Variants in MYL3 observed in about 807,000 individuals in gnomAD.
MYL3 encodes CMLC1.
Under a neutral mutation model 21.3 loss-of-function variants are expected in MYL3, and 11 were observed. The observed-to-expected ratio is 0.52, with a 90% CI of 0.32 to 0.85. The LOEUF (loss-of-function observed/expected upper bound fraction) is 0.85. MYL3 is among the 40% of genes least tolerant of loss of function. The pLI is 0.03. For synonymous variants in MYL3, 88 were observed against 91.6 expected (o/e 0.96, Z 0.22); for missense variants, 206 against 253.3 (o/e 0.81, Z 1.27).
At chr3:46,877,561 T>C (rs1038607513) in intron 1 of MYL3, among the ~76,000 whole-genome samples, 4 of 152,330 alleles carry the variant, frequency 2.6e-5, no homozygotes, top group African/African-American at 7.2e-5. Context: ...GGCCCAGCCC[T>C]GGGCATCTGA....
rs374329098 is a variant in MYL3 at position 46,858,386 on chromosome 3, T to G, written c.557A>C (p.Glu186Ala). The change falls in exon 5 of 7, where the codon GAA becomes GCA. Residue 186 changes from glutamate to alanine, a missense_variant and splice_region_variant. Transcript: ENST00000292327. ...ACCCCTGCCCCTGCTGAGCCCACCTTCATAGTTGATGCAGCCATTGGAGTC... is the reference window on the plus strand; with the variant it reads ...ACCCCTGCCCCTGCTGAGCCCACCTGCATAGTTGATGCAGCCATTGGAGTC... ...QEDSNGCINY[E>A]AFVKHIMSS The G allele has an allele frequency of 3.7e-6, 6 of 1,613,938 alleles. No homozygotes were observed. Among genetic ancestry groups the G allele is most frequent in the Non-Finnish European group, 4.2e-6 (5 of 1,180,014 alleles).
chr3:46,880,186 C>T (rs909887833), intron 1 of MYL3: 3 of 152,196 alleles, frequency 2.0e-5, no homozygotes, highest in Non-Finnish European at 2.9e-5. Flanking sequence ...TCACAACCTC[C>T]CTCCCCAGTA....
upstream of MYL3, chr3:46,863,510 C>T: frequency 3.7e-6 from 4 of 1,089,528 alleles, no homozygotes; most frequent in Non-Finnish European, 5.3e-6. Flanking sequence ...CCCACCCCTG[C>T]AGTGCACAAT....
rs2030545397 is a variant in MYL3, at chr3:46,881,342, C to T, written c.-218+732G>A. On this transcript the variant is annotated intron_variant, in intron 1 of 3. Coordinates refer to the MYL3 transcript ENST00000431168. ...TCCCCAGCCAAACACAGAAATCCCG[C>T]CCCGTTCAGCCCCAACCCCCGCGGA... Among the ~76,000 whole-genome samples, 4 of 152,160 alleles carry T rather than the reference C, an allele frequency of 2.6e-5. No homozygotes were observed. The South Asian group carries it at 8.3e-4, about 32-fold the overall frequency.
At chr3:46,870,479 G>T (rs938530003) in intron 1 of MYL3, among the ~76,000 whole-genome samples, 1 of 151,830 alleles carries the variant, frequency 6.6e-6, no homozygotes, top group Non-Finnish European at 1.5e-5. Flanking sequence ...AGCCATGGTG[G>T]CCCCCTACAC....
chr3:46,859,352 A>C lies in MYL3; in HGVS notation c.481+123T>G, dbSNP rs1701965353. ...GTAACATTTCTGTTGTCTGCCATTG[A>C]GGCTCCCTAATTATGTAACTCTCTC... On this transcript the variant is annotated intron_variant, in intron 4 of 6. Coordinates refer to ENST00000292327, the MANE Select transcript of MYL3 (RefSeq NM_000258.3). This position sits in a 1 kb window ranked among gnomAD's most constrained non-coding sequence, Gnocchi z 4.1. The C allele has an allele frequency of 7.9e-7, 1 of 1,268,976 alleles. No homozygotes were observed. Among genetic ancestry groups the C allele is most frequent in the Non-Finnish European group, 1.1e-6 (1 of 886,490 alleles). The allele number at this position is 1,268,976 out of a possible 1,614,324, so 78.6% of individuals were successfully genotyped here. A position where few individuals can be genotyped will look rare whatever the true frequency, so the allele number is the denominator to read the frequency against.
chr3:46,861,029 G>A lies in MYL3; in HGVS notation c.130-42C>T. 1.2e-6 allele frequency: 2 copies of A among 1,612,624 alleles called. No homozygotes were observed. The highest frequency in any genetic ancestry group is 1.7e-6 in the Non-Finnish European group (2 of 1,178,896). On this transcript the variant is annotated intron_variant, in intron 1 of 6. Coordinates refer to ENST00000292327, the MANE Select transcript of MYL3 (RefSeq NM_000258.3). The surrounding 1 kb of genome is among the most constrained non-coding windows in gnomAD (Gnocchi z 4.2). Reference sequence around the variant, plus strand: ...AAGACTCAGATGCCCGGCTTAAAAGGTGGGGCCACACCTCCTCCTGGGCAC... The same window carrying A: ...AAGACTCAGATGCCCGGCTTAAAAGATGGGGCCACACCTCCTCCTGGGCAC...
rs1457649737 is a variant in MYL3 at position 46,860,758 on chromosome 3, C to A, written c.225G>T (p.Gln75His). 1.2e-6 allele frequency: 2 copies of A among 1,614,170 alleles called. No individual in the cohort carries two copies. The highest frequency in any genetic ancestry group is 2.2e-5 in the East Asian group (1 of 44,876). The change falls in exon 3 of 7, where the codon CAG (glutamine) becomes CAT (histidine). Residue 75 changes from glutamine (Q) to histidine (H), a missense_variant. By Grantham distance (24) the Gln-to-His change is conservative (BLOSUM62 0). Transcript: ENST00000292327. This position sits in a 1 kb window ranked among gnomAD's most constrained non-coding sequence, Gnocchi z 4.6. ...CCAGCGCCCGCAGGACATCCCCACA[C>A]TGCCCGTAGGTGATCTTCATCTCAC... The part of the protein sequence containing the change: ...PKCEMKITYG[Q>H]CGDVLRALGQ...
intron 1 of MYL3, among the ~76,000 whole-genome samples, chr3:46,868,823 G>A (rs1054541996): frequency 6.6e-6 from 1 of 152,218 alleles, no homozygotes; most frequent in Non-Finnish European, 1.5e-5. Flanking sequence ...GATTGAAAAT[G>A]TGTCTGGAGA....
At chr3:46,881,804 G>A (rs542809292) in intron 1 of MYL3, among the ~76,000 whole-genome samples, 3 of 152,236 alleles carry the variant, frequency 2.0e-5, no homozygotes, top group African/African-American at 4.8e-5. Context: ...ACCCCGACCC[G>A]GCCCGAACGG....
intron 4 of MYL3, among the ~76,000 whole-genome samples, chr3:46,858,993 A>G (rs1701962023): frequency 6.6e-6 from 1 of 152,168 alleles, no homozygotes; most frequent in Non-Finnish European, 1.5e-5. Flanking sequence ...GAGCTGAAAC[A>G]GTAGACACTC....
rs933024341 is a variant in MYL3, at chr3:46,857,990, G to C, written c.*125C>G. The C allele has an allele frequency of 1.7e-6, 1 of 587,286 alleles. No homozygotes were observed. The highest frequency in any genetic ancestry group is 3.1e-6 in the Non-Finnish European group (1 of 327,606). The allele number at this position is 587,286 out of a possible 1,614,324, so 36.4% of individuals were successfully genotyped here. A position where few individuals can be genotyped will look rare whatever the true frequency, so the allele number is the denominator to read the frequency against. On this transcript the variant is annotated 3_prime_UTR_variant, in exon 7 of 7. Coordinates refer to ENST00000292327, the MANE Select transcript of MYL3 (RefSeq NM_000258.3). The surrounding 1 kb of genome is among the most constrained non-coding windows in gnomAD (Gnocchi z 5.0). ...CGGCAACCACGTGGAGAGGTCCAAG[G>C]GTTTTTGCAGGAGTCTTGGTAAGGC... is the stretch of plus-strand genomic sequence containing the variant.
chr3:46,869,554 G>A (rs1025340713), intron 1 of MYL3, among the ~76,000 whole-genome samples: 6 of 152,242 alleles, frequency 3.9e-5, no homozygotes. Flanking sequence ...TGACTGGACG[G>A]GTGTGGATAG....
At chr3:46,858,342 A>G (rs765928342) in intron 5 of MYL3, 42 bp downstream of exon 5, 2 of 1,614,010 alleles carry the variant, frequency 1.2e-6, no homozygotes, top group South Asian at 2.2e-5. Flanking sequence ...CCTGGGTCCC[A>G]GCACTCCCCT....
rs955457754 is a variant in MYL3 at position 46,859,889 on chromosome 3, C to T, written c.308-241G>A. Among the ~76,000 whole-genome samples the T allele has an allele frequency of 1.3e-5, 2 of 152,176 alleles. No homozygotes were observed. Among genetic ancestry groups the T allele is most frequent in the East Asian group, 3.9e-4 (2 of 5,184 alleles). On this transcript the variant is annotated intron_variant, in intron 3 of 6. Coordinates refer to ENST00000292327, the MANE Select transcript of MYL3 (RefSeq NM_000258.3). The surrounding 1 kb of genome is among the most constrained non-coding windows in gnomAD (Gnocchi z 4.1). The stretch of plus-strand genomic sequence containing the variant: ...CTTTGCTATTCACAAAGGGAGTTTG[C>T]TGCCCTGAGCCACCACGGAGGGCTC...
chr3:46,874,239 G>A lies in MYL3; in HGVS notation c.-217-7639C>T, dbSNP rs1396835448. On this transcript the variant is annotated intron_variant, in intron 1 of 3. Transcript: ENST00000431168. This position sits in a 1 kb window ranked among gnomAD's most constrained non-coding sequence, Gnocchi z 4.1. ...CCAGGCTTGGTGCAGCCTGCAGGAT[G>A]GCCAGGCAGACACAACCCTGATTCC... 6.6e-6 allele frequency among the ~76,000 whole-genome samples: 1 copy of A among 152,178 alleles called. No individual in the cohort carries two copies. Among genetic ancestry groups the A allele is most frequent in the Non-Finnish European group, 1.5e-5 (1 of 68,036 alleles).
chr3:46,875,258 G>A (rs1332134610), intron 1 of MYL3, among the ~76,000 whole-genome samples: 1 of 152,196 alleles, frequency 6.6e-6, no homozygotes, highest in East Asian at 1.9e-4. Flanking sequence ...GCAGACCTGA[G>A]GGCCCCATCC....
Position 46,879,398 on chromosome 3 carries a change from C to T in MYL3, c.-218+2676G>A, listed in dbSNP as rs527919814. On this transcript the variant is annotated intron_variant, in intron 1 of 3. Transcript: ENST00000431168. This position sits in a 1 kb window ranked among gnomAD's most constrained non-coding sequence, Gnocchi z 4.7. ...CTTTTCTCATCACCAAGGGGGAAAG[C>T]AGGGTGGAAGATCAGTGGTCACAGA... Among the ~76,000 whole-genome samples the T allele has an allele frequency of 5.8e-4, 88 of 152,272 alleles. No homozygotes were observed. The highest frequency in any genetic ancestry group is 2.0e-3 in the African/African-American group (82 of 41,544).
At chr3:46,873,366 G>A (rs2030011593) in intron 1 of MYL3, among the ~76,000 whole-genome samples, 1 of 152,252 alleles carries the variant, frequency 6.6e-6, no homozygotes, top group South Asian at 2.1e-4. Flanking sequence ...GCATCTCCCA[G>A]CTGAGCCCAA....
Sources: allele counts gnomAD v4.1 joint callset (sites outside exome capture counted in the v4.1 genomes callset), GRCh38; gene constraint gnomAD v4.1.1; non-coding constraint Gnocchi (gnomAD v3.1); transcripts MANE v1.5; gene names NCBI Gene and HGNC (gene_info 2026-07-23, HGNC 2026-07-21).